PEBP4: variants seen among roughly 807,000 people sequenced by gnomAD.
PEBP4 encodes phosphatidylethanolamine-binding protein 4.
A neutral mutation model predicts 23.9 loss-of-function variants in PEBP4; 22 were observed. The observed-to-expected ratio is 0.92, with a 90% CI of 0.66 to 1.31. PEBP4 has a LOEUF of 1.31. Among genes scored for constraint, PEBP4 ranks in the 40% most tolerant of loss-of-function variants. The pLI is 0.00. For missense variants in PEBP4, 324 were observed against 281.7 expected (o/e 1.15, Z -1.07); for synonymous variants, 112 against 99.3 (o/e 1.13, Z -0.76).
At chr8:22,906,300 C>G (rs1403136064) in intron 3 of PEBP4, among the ~76,000 whole-genome samples, 4 of 152,156 alleles carry the variant, frequency 2.6e-5, no homozygotes, top group African/African-American at 7.2e-5. Flanking sequence ...ATCCCTATTT[C>G]AATCCAGCCT....
intron 4 of PEBP4, among the ~76,000 whole-genome samples, chr8:22,760,594 CGT>C (rs901978041): frequency 1.3e-4 from 20 of 151,980 alleles, no homozygotes; most frequent in African/African-American, 4.8e-4. Context: ...GAGTGGACAA[CGT>C]GTGTGTGTGG....
intron 3 of PEBP4, among the ~76,000 whole-genome samples, chr8:22,855,660 A>T (rs563978855): frequency 9.2e-5 from 14 of 152,338 alleles, no homozygotes; most frequent in African/African-American, 2.6e-4. Flanking sequence ...CTTCCCAATG[A>T]TGATATCAAA....
intron 2 of PEBP4, among the ~76,000 whole-genome samples, chr8:22,921,907 CAGCA>C (rs1427810234): frequency 1.3e-5 from 2 of 152,204 alleles, no homozygotes; most frequent in African/African-American, 4.8e-5. Flanking sequence ...GAGAGACAGA[CAGCA>C]AACAGCACAG....
Position 22,713,537 on chromosome 8 carries a change from C to A in PEBP4, c.518-1G>T, listed in dbSNP as rs1804352833. 1 of 1,614,046 alleles carries A rather than the reference C, an allele frequency of 6.2e-7. No individual in the cohort carries two copies. The highest frequency in any genetic ancestry group is 8.5e-7 in the Non-Finnish European group (1 of 1,180,032). ...AGAAATCTGTCCATTTTCCAAGAGC[C>A]TGGAAGGACAAACAGACCACAGGGA... On this transcript the variant is annotated splice_acceptor_variant, in intron 6 of 6. Transcript: ENST00000256404. LOFTEE classifies it high-confidence loss of function.
intron 3 of PEBP4, among the ~76,000 whole-genome samples, chr8:22,890,652 G>A (rs1201471422): frequency 6.6e-6 from 1 of 152,220 alleles, no homozygotes; most frequent in South Asian, 2.1e-4. Context: ...ATGTTCAGAG[G>A]CCGCCTGGCA....
chr8:22,836,048 C>T (rs1239801866), intron 3 of PEBP4, among the ~76,000 whole-genome samples: 1 of 152,198 alleles, frequency 6.6e-6, no homozygotes, highest in Non-Finnish European at 1.5e-5. Context: ...AATGGGGGCT[C>T]AGGGTCTCTG....
chr8:22,924,719 GT>G, intron 2 of PEBP4: 1 of 985,378 alleles, frequency 1.0e-6, no homozygotes, highest in African/African-American at 1.7e-5. Context: ...AGCAGGTGGG[GT>G]TTTTTGAGTG....
chr8:22,773,217 A>G (rs1805750590), intron 4 of PEBP4, among the ~76,000 whole-genome samples: 1 of 152,200 alleles, frequency 6.6e-6, no homozygotes, highest in African/African-American at 2.4e-5. Flanking sequence ...TAAAGCTCCA[A>G]TTACAAAGCA....
At chr8:22,932,541 ACC>A (rs576162508), upstream of PEBP4, among the ~76,000 whole-genome samples, 3 of 151,738 alleles carry the variant, frequency 2.0e-5, no homozygotes, top group South Asian at 2.1e-4. Flanking sequence ...ACACACACAC[ACC>A]CCCAGAGAGA....
intron 3 of PEBP4, among the ~76,000 whole-genome samples, chr8:22,855,270 T>C (rs1411515211): frequency 6.6e-6 from 1 of 152,164 alleles, no homozygotes; most frequent in Non-Finnish European, 1.5e-5. Flanking sequence ...TCACACCGTG[T>C]AGTGACACTG....
chr8:22,776,199 C>T (rs1450105775), intron 4 of PEBP4, among the ~76,000 whole-genome samples: 1 of 152,204 alleles, frequency 6.6e-6, no homozygotes, highest in Non-Finnish European at 1.5e-5. Flanking sequence ...CACACCCTTC[C>T]TAGCAGAGAG....
chr8:22,916,369 A>C (rs1251305635), intron 3 of PEBP4, among the ~76,000 whole-genome samples: 4 of 152,060 alleles, frequency 2.6e-5, no homozygotes, highest in African/African-American at 9.7e-5. Flanking sequence ...GCTTCCTCTT[A>C]CTTCCACACC....
At chr8:22,760,594 C>A (rs541584658) in intron 4 of PEBP4, among the ~76,000 whole-genome samples, 96 of 151,980 alleles carry the variant, frequency 6.3e-4, no homozygotes, top group Non-Finnish European at 1.1e-3. Context: ...GAGTGGACAA[C>A]GTGTGTGTGT....
At chr8:22,745,284 A>T (rs985452024) in intron 4 of PEBP4, among the ~76,000 whole-genome samples, 1 of 152,052 alleles carries the variant, frequency 6.6e-6, no homozygotes, top group Non-Finnish European at 1.5e-5. Flanking sequence ...TGTGGTGGGG[A>T]GGTGTCACTG....
At chr8:22,721,789 G>A (rs1312131549) in intron 6 of PEBP4, among the ~76,000 whole-genome samples, 1 of 152,146 alleles carries the variant, frequency 6.6e-6, no homozygotes, top group Non-Finnish European at 1.5e-5. Flanking sequence ...TGGGACCTGT[G>A]TTCATTGGCA....
At chr8:22,746,854 G>A (rs941972784) in intron 4 of PEBP4, among the ~76,000 whole-genome samples, 1 of 152,192 alleles carries the variant, frequency 6.6e-6, no homozygotes, top group African/African-American at 2.4e-5. Context: ...CGGAGGAATG[G>A]AGTTGTAAAA....
chr8:22,846,847 G>A (rs763733776), intron 3 of PEBP4, among the ~76,000 whole-genome samples: 20 of 152,008 alleles, frequency 1.3e-4, no homozygotes, highest in African/African-American at 1.9e-4. Flanking sequence ...AGACAATGGA[G>A]GGTCATAAAG....
intron 3 of PEBP4, among the ~76,000 whole-genome samples, chr8:22,894,457 CT>C (rs1458230280): frequency 6.6e-6 from 1 of 152,080 alleles, no homozygotes; most frequent in Non-Finnish European, 1.5e-5. Flanking sequence ...TGGCATGTGC[CT>C]GTAGTCCCAG....
chr8:22,751,792 G>A (rs1264612236), intron 4 of PEBP4, among the ~76,000 whole-genome samples: 1 of 152,186 alleles, frequency 6.6e-6, no homozygotes, highest in African/African-American at 2.4e-5. Flanking sequence ...CCCAGATGTG[G>A]ATGGGGCCCT....
Sources: gnomAD v4.1 joint callset for allele counts (sites outside exome capture counted in the v4.1 genomes callset) on GRCh38, gnomAD v4.1.1 for gene constraint, MANE v1.5 for transcripts, NCBI Gene and HGNC (gene_info 2026-07-23, HGNC 2026-07-21) for gene names.